Variants in ZNF69 observed in about 807,000 individuals in gnomAD.
The protein encoded by ZNF69 is ZNF3.
ZNF69 carries 47 observed loss-of-function variants against 50.9 expected under a neutral mutation model. That is an observed-to-expected ratio of 0.92 (90% CI 0.73 to 1.18). The LOEUF is 1.18. ZNF69 is among the 50% of genes most tolerant of loss of function. The pLI, the probability that ZNF69 is intolerant of heterozygous loss-of-function variation, is 0.00. For synonymous variants in ZNF69, 216 were observed against 223.1 expected (o/e 0.97, Z 0.29); for missense variants, 717 against 675.1 (o/e 1.06, Z -0.69).
At chr19:11,947,313 G>A in the ZNF69 span, 21 of 1,613,586 alleles carry the variant, frequency 1.3e-5, no homozygotes, top group Non-Finnish European at 1.4e-5. Context: ...TATAGGTAAG[G>A]ATGACAATAT....
At chr19:11,950,017 A>G in the ZNF69 span, 1 of 1,614,042 alleles carries the variant, frequency 6.2e-7, no homozygotes, top group Non-Finnish European at 8.5e-7. Flanking sequence ...TTCTTTTCAA[A>G]TACATGAAAG....
chr19:11,952,862 T>A, the ZNF69 span: 7 of 152,104 alleles, frequency 4.6e-5, no homozygotes, highest in African/African-American at 1.7e-4. Flanking sequence ...TCACTTGAGG[T>A]CAGGAGTTGA....
the ZNF69 span, among the ~76,000 whole-genome samples, chr19:11,936,108 T>G: frequency 1.3e-3 from 193 of 152,330 alleles, 1 homozygote; most frequent in African/African-American, 4.6e-3. Context: ...AGTCTATCAT[T>G]GGTGGACATT....
At chr19:11,943,742 A>G in the ZNF69 span, among the ~76,000 whole-genome samples, 1 of 152,222 alleles carries the variant, frequency 6.6e-6, no homozygotes, top group Admixed American at 6.5e-5. Flanking sequence ...CAGTAACCTG[A>G]TGAATACACT....
At chr19:11,953,996 C>A in the ZNF69 span, among the ~76,000 whole-genome samples, 1 of 152,122 alleles carries the variant, frequency 6.6e-6, no homozygotes, top group East Asian at 1.9e-4. Context: ...TGAAAATGCT[C>A]ATTTTTACGT....
chr19:11,979,774 T>G, the ZNF69 span: 2 of 1,579,736 alleles, frequency 1.3e-6, no homozygotes, highest in East Asian at 2.3e-5. Context: ...ATGGTAGAAC[T>G]CACACTGGAG....
the ZNF69 span, chr19:11,949,694 C>G: frequency 6.2e-7 from 1 of 1,612,686 alleles, no homozygotes; most frequent in African/African-American, 1.3e-5. Context: ...CATGAAAGGA[C>G]TCACACTGGA....
the ZNF69 span, among the ~76,000 whole-genome samples, chr19:11,958,613 A>T: frequency 1.3e-5 from 2 of 152,206 alleles, no homozygotes; most frequent in Admixed American, 6.5e-5. Context: ...CAAGGGTGTT[A>T]GTAGAAGTCC....
chr19:11,975,273 G>A, the ZNF69 span, among the ~76,000 whole-genome samples: 1 of 151,808 alleles, frequency 6.6e-6, no homozygotes, highest in African/African-American at 2.4e-5. Context: ...GTTTCTCCAT[G>A]TTGGTCAGGC....
At chr19:11,975,132 G>C in the ZNF69 span, among the ~76,000 whole-genome samples, 27,635 of 149,840 alleles carry the variant, frequency 0.18, 5,471 homozygotes, top group African/African-American at 0.5. Flanking sequence ...GAGTGTTACT[G>C]TTGTTGCCCA....
the ZNF69 span, chr19:11,925,349 C>T: frequency 1.9e-6 from 3 of 1,585,352 alleles, no homozygotes; most frequent in Non-Finnish European, 2.6e-6. Flanking sequence ...TGTGGCGGGA[C>T]CCGGGCCTCC....
At chr19:11,900,317 A>G (rs974809733) in intron 1 of ZNF69, among the ~76,000 whole-genome samples, 9 of 150,188 alleles carry the variant, frequency 6.0e-5, no homozygotes, top group South Asian at 2.1e-4. Flanking sequence ...GTTTGCCATA[A>G]TTACATTCTT....
chr19:11,936,977 C>T, the ZNF69 span, among the ~76,000 whole-genome samples: 3 of 152,048 alleles, frequency 2.0e-5, no homozygotes, highest in Admixed American at 6.6e-5. Context: ...TTGTCAGGTT[C>T]GTCAAAGATC....
downstream of ZNF69, chr19:11,914,397 T>A (rs1335632937): frequency 6.6e-6 from 1 of 152,188 alleles, no homozygotes; most frequent in Non-Finnish European, 1.5e-5. Flanking sequence ...TTACTTATTC[T>A]CTAAAGACTG....
chr19:11,892,338 T>C (rs1977114882), intron 1 of ZNF69, among the ~76,000 whole-genome samples: 1 of 152,140 alleles, frequency 6.6e-6, no homozygotes, highest in Non-Finnish European at 1.5e-5. Flanking sequence ...CTTTTCTTTC[T>C]AGCTGTTTTT....
At chr19:11,914,303 G>A (rs560720795) in exon 5 of ZNF69, 6 of 142,516 alleles carry the variant, frequency 4.2e-5, no homozygotes, top group South Asian at 2.1e-4. Context: ...CAACAAGAGC[G>A]AAACTCCGTT....
At chr19:11,895,239 T>C (rs1977197334) in intron 1 of ZNF69, among the ~76,000 whole-genome samples, 1 of 152,188 alleles carries the variant, frequency 6.6e-6, no homozygotes. Flanking sequence ...AAGAGGCAAC[T>C]CAACAAAGCC....
At chr19:11,978,309 A>G in the ZNF69 span, 1 of 1,614,056 alleles carries the variant, frequency 6.2e-7, no homozygotes, top group Non-Finnish European at 8.5e-7. Flanking sequence ...CAGAGGTGAC[A>G]TTGGGCACAA....
the ZNF69 span, chr19:11,948,842 C>A: frequency 6.2e-7 from 1 of 1,608,990 alleles, no homozygotes; most frequent in Non-Finnish European, 8.5e-7. Context: ...AGAACTCACA[C>A]TGGGGAGAAG....
Sources: gnomAD v4.1 joint callset for allele counts (sites outside exome capture counted in the v4.1 genomes callset) on GRCh38, gnomAD v4.1.1 for gene constraint, MANE v1.5 for transcripts, NCBI Gene and HGNC (gene_info 2026-07-23, HGNC 2026-07-21) for gene names.